SOX30: variants seen among roughly 807,000 people sequenced by gnomAD.
SOX30 encodes the protein SRY-box transcription factor 30, also known as transcription factor SOX-30.
SOX30 carries 17 observed loss-of-function variants against 58.6 expected under a neutral mutation model. That is an observed-to-expected ratio of 0.29 (90% CI 0.20 to 0.44). The LOEUF is 0.44. Among genes scored for constraint, SOX30 ranks in the 20% least tolerant of loss-of-function variants. The probability of loss-of-function intolerance (pLI) is 1.00; values close to 1 mark genes in which losing one functional copy is unlikely to be tolerated. For synonymous variants in SOX30, 421 were observed against 400.2 expected (o/e 1.05, Z -0.62); for missense variants, 951 against 965.8 (o/e 0.98, Z 0.20).
At position 157,652,288 on chromosome 5, in the gene SOX30, G is replaced by A. The variant is rs60775201; in HGVS notation, c.-210C>T. On this transcript the variant is annotated 5_prime_UTR_variant, in exon 1 of 5. Transcript: ENST00000265007. ...CAGGCGGGTTTTCCGGCTCTTCCTG[G>A]TCCCTACTCTCGCCTCGTGCTGAGT... The A allele has an allele frequency of 7.3e-3, 9,073 of 1,248,554 alleles. 577 individuals carry two copies. The African/African-American group carries it at 0.13, about 18-fold the overall frequency. 77.3% of individuals were successfully genotyped at this position (1,248,554 alleles called of 1,614,324 possible).
chr5:157,666,158 T>C (rs1036725506), intron 2 of SOX30, among the ~76,000 whole-genome samples: 1 of 152,012 alleles, frequency 6.6e-6, no homozygotes, highest in African/African-American at 2.4e-5. Flanking sequence ...TGTTTTTGTT[T>C]GTTTGTTTGT....
upstream of SOX30, among the ~76,000 whole-genome samples, chr5:157,655,665 A>C (rs1427902078): frequency 6.6e-6 from 1 of 151,870 alleles, no homozygotes; most frequent in Admixed American, 6.6e-5. Context: ...TGAACTCTTC[A>C]CTGTCGCTGC....
At chr5:157,648,162 T>C (rs1453131030) in intron 2 of SOX30, among the ~76,000 whole-genome samples, 1 of 152,128 alleles carries the variant, frequency 6.6e-6, no homozygotes, top group East Asian at 1.9e-4. Context: ...TAGGGAGAAA[T>C]CGGACTCCTT....
chr5:157,645,246 G>T (rs1759160930), intron 3 of SOX30, among the ~76,000 whole-genome samples: 1 of 152,154 alleles, frequency 6.6e-6, no homozygotes, highest in Non-Finnish European at 1.5e-5. Flanking sequence ...AAATGCCTAA[G>T]ATTCTAAGAA....
chr5:157,655,789 A>G (rs1368278077), upstream of SOX30, among the ~76,000 whole-genome samples: 1 of 152,088 alleles, frequency 6.6e-6, no homozygotes, highest in Non-Finnish European at 1.5e-5. Flanking sequence ...AAAAATCACT[A>G]TTTCTTACAA....
intron 4 of SOX30, among the ~76,000 whole-genome samples, chr5:157,634,586 T>C (rs138944982): frequency 2.1e-4 from 32 of 152,160 alleles, no homozygotes; most frequent in African/African-American, 7.0e-4. Flanking sequence ...TATAAGTATA[T>C]CTCAAATGTC....
chr5:157,630,931 TATA>T (rs1758778240), intron 4 of SOX30, among the ~76,000 whole-genome samples: 2 of 126,138 alleles, frequency 1.6e-5, no homozygotes, highest in African/African-American at 5.9e-5. Context: ...TATTATATAT[TATA>T]TATATATACT....
upstream of SOX30, chr5:157,652,516 G>A (rs1263018900): frequency 3.5e-5 from 13 of 368,606 alleles, no homozygotes; most frequent in Non-Finnish European, 4.9e-5. Flanking sequence ...GGGGAGCGAC[G>A]GCCTTGTGCA....
rs116183318 is a variant in SOX30 at position 157,661,603 on chromosome 5, G to A, written c.52+6195C>T. 8.6e-3 allele frequency among the ~76,000 whole-genome samples: 1,314 copies of A among 152,214 alleles called. 14 individuals are homozygous for A. The highest frequency in any genetic ancestry group is 0.029 in the African/African-American group (1,220 of 41,536). ...AAATGTCATGCCAGATTTGGCCCAA[G>A]GGCTATAGTTTGCTTTTGGCTATAG... On this transcript the variant is annotated intron_variant, in intron 2 of 5. Transcript: ENST00000519442.
intron 2 of SOX30, chr5:157,667,675 G>A: frequency 7.5e-7 from 1 of 1,335,756 alleles, no homozygotes; most frequent in South Asian, 1.6e-5. Context: ...GGTCGCAGAG[G>A]CTGCAGTGAC....
At chr5:157,642,313 C>T (rs1367255859) in intron 3 of SOX30, among the ~76,000 whole-genome samples, 2 of 120,770 alleles carry the variant, frequency 1.7e-5, no homozygotes, top group Non-Finnish European at 3.3e-5. Flanking sequence ...AAGATTCCCT[C>T]TCAAAAAAAA....
In SOX30 at chr5:157,667,767, C is replaced by CATACATACATACATACAT. The variant is rs768215844; in HGVS notation, c.52+30_52+31insATGTATGTATGTATGTAT. 3.9e-5 allele frequency: 17 copies of CATACATACATACATACAT among 436,242 alleles called. No homozygotes were observed. The African/African-American group carries it at 8.6e-4, about 22-fold the overall frequency. 27.0% of individuals were successfully genotyped at this position (436,242 alleles called of 1,614,324 possible). On this transcript the variant is annotated intron_variant, in intron 2 of 5. Coordinates refer to the SOX30 transcript ENST00000519442. Reference sequence around the variant, plus strand: ...ATACATACATACATACATACATACACACACACACACACACACACACACATA... The same window carrying CATACATACATACATACAT: ...ATACATACATACATACATACATACACATACATACATACATACATACACACACACACACACACACACATA...
intron 3 of SOX30, among the ~76,000 whole-genome samples, chr5:157,644,521 C>T (rs1759142969): frequency 1.3e-5 from 2 of 152,082 alleles, no homozygotes. Flanking sequence ...CTCAGAATGG[C>T]ATAAAATTAA....
intron 4 of SOX30, among the ~76,000 whole-genome samples, chr5:157,632,202 C>T (rs749985478): frequency 6.6e-6 from 1 of 152,016 alleles, no homozygotes; most frequent in Non-Finnish European, 1.5e-5. Context: ...ATTCACAGCA[C>T]TGTGTTAGTG....
At chr5:157,631,754 GA>G (rs1758814050) in intron 4 of SOX30, among the ~76,000 whole-genome samples, 1 of 138,788 alleles carries the variant, frequency 7.2e-6, no homozygotes. Flanking sequence ...AACAGAGTGG[GA>G]ACTCGTCTCA....
In SOX30 at chr5:157,651,526, T is replaced by G; in HGVS notation, c.553A>C (p.Lys185Gln). 1 of 1,613,390 alleles carries G rather than the reference T, an allele frequency of 6.2e-7. No individual in the cohort carries two copies. The change falls in exon 1 of 5, where the codon AAG becomes CAG. Residue 185 changes from lysine to glutamine, a missense_variant. Physicochemically the swap from Lys to Gln is moderately conservative, Grantham distance 53. Around this residue, in one of 7 missense-constraint regions of SOX30, gnomAD observed 363 missense variants for 294.5 expected, o/e 1.23. Transcript: ENST00000265007. ...CTCATGACCTCCTCCGCCTCCAGCTTGCCCTTCTCGTCCCCTCGGAAGTAG... is the reference window on the plus strand; with the variant it reads ...CTCATGACCTCCTCCGCCTCCAGCTGGCCCTTCTCGTCCCCTCGGAAGTAG... ...LGYFRGDEKG[K>Q]LEAEEVMRDS...
Position 157,648,851 on chromosome 5 carries a change from T to C in SOX30, c.1013A>G (p.Lys338Arg). 1 of 1,611,780 alleles carries C rather than the reference T, an allele frequency of 6.2e-7. No individual in the cohort carries two copies. The highest frequency in any genetic ancestry group is 8.5e-7 in the Non-Finnish European group (1 of 1,179,652). The change falls in exon 2 of 5, where the codon AAG (lysine) becomes AGG (arginine). Residue 338 changes from lysine (K) to arginine (R), a missense_variant. By Grantham distance (26) the Lys-to-Arg change is conservative. Coordinates refer to ENST00000265007, the MANE Select transcript of SOX30 (RefSeq NM_178424.2). ...PFSKDRNGHV[K>R]RPMNAFMVWA... is the part of the protein sequence containing the mutation. ...AACCATAAATGCGTTCATGGGTCGC[T>C]TCACATGACCATTTCTGTCCTTACT...
At chr5:157,662,362 CTT>C (rs2113858340) in intron 2 of SOX30, among the ~76,000 whole-genome samples, 1 of 152,086 alleles carries the variant, frequency 6.6e-6, no homozygotes, top group Non-Finnish European at 1.5e-5. Context: ...CTGCTGTGGT[CTT>C]TAGTCCTTCA....
At chr5:157,662,484 A>C (rs1266296489) in intron 2 of SOX30, among the ~76,000 whole-genome samples, 2 of 152,128 alleles carry the variant, frequency 1.3e-5, no homozygotes, top group Non-Finnish European at 1.5e-5. Context: ...TTTCTCTCTA[A>C]ATATTGCTTT....
Sources: allele counts gnomAD v4.1 joint callset (sites outside exome capture counted in the v4.1 genomes callset), GRCh38; gene constraint gnomAD v4.1.1; regional missense constraint gnomAD v4.1.1; transcripts MANE v1.5; gene names NCBI Gene and HGNC (gene_info 2026-07-23, HGNC 2026-07-21).